PCDHAC1: variants seen among roughly 807,000 people sequenced by gnomAD.
The protein encoded by PCDHAC1 is protocadherin alpha-C1.
Under a neutral mutation model 60.0 loss-of-function variants are expected in PCDHAC1, and 42 were observed. The observed-to-expected ratio is 0.70, with a 90% CI of 0.55 to 0.90. The LOEUF is 0.90. Ranked by LOEUF, PCDHAC1 falls within the 40% of genes least tolerant of loss-of-function variation. The probability of loss-of-function intolerance (pLI) is 0.00; values close to 1 mark genes in which losing one functional copy is unlikely to be tolerated. For synonymous variants in PCDHAC1, 468 were observed against 499.3 expected (o/e 0.94, Z 0.84); for missense variants, 1,160 against 1,222.3 (o/e 0.95, Z 0.76).
At position 140,944,452 on chromosome 5, in the gene PCDHAC1, G is replaced by A. The variant is rs147335783; in HGVS notation, c.2433+15127G>A. 1.8e-3 allele frequency among the ~76,000 whole-genome samples: 280 copies of A among 152,282 alleles called. 3 individuals are homozygous for A. Among genetic ancestry groups the A allele is most frequent in the African/African-American group, 6.4e-3 (266 of 41,552 alleles). ...TCTGCCTGCCTCGGCCTCCCAAAGTGCTGGGATTACAGGTATGAGGCACTG... is the reference window on the plus strand; with the variant it reads ...TCTGCCTGCCTCGGCCTCCCAAAGTACTGGGATTACAGGTATGAGGCACTG... On this transcript the variant is annotated intron_variant, in intron 1 of 3. Coordinates refer to ENST00000253807, the MANE Select transcript of PCDHAC1 (RefSeq NM_018898.5).
chr5:140,943,719 T>G (rs1198620937), intron 1 of PCDHAC1, among the ~76,000 whole-genome samples: 2 of 152,126 alleles, frequency 1.3e-5, no homozygotes, highest in African/African-American at 4.8e-5. Context: ...TTTAAAGGTC[T>G]GAGAGAATGA....
At chr5:140,998,548 T>A (rs904925148) in intron 3 of PCDHAC1, among the ~76,000 whole-genome samples, 7 of 149,880 alleles carry the variant, frequency 4.7e-5, no homozygotes, top group African/African-American at 1.7e-4. Context: ...CCTAATTTAA[T>A]GTCTAATTTA....
intron 3 of PCDHAC1, among the ~76,000 whole-genome samples, chr5:140,993,462 TCA>T (rs3836747): frequency 0.093 from 13,122 of 140,864 alleles, 629 homozygotes; most frequent in African/African-American, 0.12. Flanking sequence ...TCTTTCTTTC[TCA>T]CACACACACA....
At position 140,972,838 on chromosome 5, in the gene PCDHAC1, A is replaced by G. The variant is rs181315236; in HGVS notation, c.2434-6111A>G. Among the ~76,000 whole-genome samples the G allele has an allele frequency of 2.0e-4, 30 of 151,814 alleles. No individual in the cohort carries two copies. In the East Asian group the frequency reaches 5.8e-3, roughly 30 times the overall value. The stretch of plus-strand genomic sequence containing the variant: ...GCCACCACGCCTGGCTAATTTTTGT[A>G]TTTTTAGTAGAGATGGGGTTTCATC... On this transcript the variant is annotated intron_variant, in intron 1 of 3. Transcript: ENST00000253807.
Position 140,929,071 on chromosome 5 carries a change from T to C in PCDHAC1, c.2179T>C (p.Tyr727His). 6.2e-7 allele frequency: 1 copy of C among 1,614,122 alleles called. No individual in the cohort carries two copies. Among genetic ancestry groups the C allele is most frequent in the South Asian group, 1.1e-5 (1 of 91,082 alleles). ...SCCRSTEDLR[Y>H]GSKMVSNPCM... ...CTGTCGCTCTACAGAGGATCTGAGG[T>C]ATGGAAGTAAGATGGTTTCAAATCC... Residue 727 changes from tyrosine (Y) to histidine (H), a missense_variant, in exon 1 of 4, where the codon TAT (tyrosine) becomes CAT (histidine). By Grantham distance (83) the Tyr-to-His change is moderately conservative. Transcript: ENST00000253807.
At chr5:140,971,958 C>G (rs2096508715) in intron 1 of PCDHAC1, among the ~76,000 whole-genome samples, 1 of 152,054 alleles carries the variant, frequency 6.6e-6, no homozygotes, top group Non-Finnish European at 1.5e-5. Context: ...ACTCCAAAAA[C>G]TTTTTTTCAA....
At position 140,978,793 on chromosome 5, in the gene PCDHAC1, A is replaced by G. The variant is rs1241254692; in HGVS notation, c.2434-156A>G. 4.1e-6 allele frequency: 4 copies of G among 977,674 alleles called. No individual in the cohort carries two copies. In the African/African-American group the frequency reaches 7.0e-5, roughly 17 times the overall value. The allele number at this position is 977,674 out of a possible 1,614,324, so 60.6% of individuals were successfully genotyped here. On this transcript the variant is annotated intron_variant, in intron 1 of 3. Coordinates refer to ENST00000253807, the MANE Select transcript of PCDHAC1 (RefSeq NM_018898.5). ...CTAATTTTCTTCTAAAGTGCTATAT[A>G]TGTAGATATCATCATAGAGTTACAC... is the stretch of plus-strand genomic sequence containing the variant.
Position 141,009,632 on chromosome 5 carries a change from G to A in PCDHAC1, c.2587G>A (p.Glu863Lys). 1 of 1,613,032 alleles carries A rather than the reference G, an allele frequency of 6.2e-7. No individual in the cohort carries two copies. Among genetic ancestry groups the A allele is most frequent in the Non-Finnish European group, 8.5e-7 (1 of 1,179,354 alleles). The change falls in exon 4 of 4, where the codon GAG (glutamate) becomes AAG (lysine). Residue 863 changes from glutamate to lysine, a missense_variant. This residue lies in a region of PCDHAC1 where 1,113 missense variants were observed against 1,163.7 expected (regional missense o/e 0.96). Transcript: ENST00000253807. The stretch of plus-strand genomic sequence containing the variant: ...TGTAATGTTTTGTCTTTCAGAACCA[G>A]AGGCAGGAGAAGTGTCCCCTCCAGT... ...PTVSSATPEP[E>K]AGEVSPPVGA...
intron 3 of PCDHAC1, among the ~76,000 whole-genome samples, chr5:141,004,088 T>G (rs797038928): frequency 3.4e-4 from 52 of 152,346 alleles, no homozygotes; most frequent in African/African-American, 1.2e-3. Flanking sequence ...GAAATGTGCT[T>G]CTTCCGTTTT....
chr5:140,927,995 AC>A lies in PCDHAC1; in HGVS notation c.1105del (p.Leu369SerfsTer19). ...GCTCTCTTTAGTGTAAAGGATGAAG[AC>A]CTCGATTCTAATGGTAGGGTCATTT... ...VIALFSVKDE[D>X]LDSNGRVICG... On this transcript the variant is annotated frameshift_variant, in exon 1 of 4. Transcript: ENST00000253807. LOFTEE classifies it high-confidence loss of function. 3.1e-6 allele frequency: 5 copies of A among 1,614,042 alleles called. No individual in the cohort carries two copies. The highest frequency in any genetic ancestry group is 4.2e-6 in the Non-Finnish European group (5 of 1,180,014).
chr5:140,980,878 G>A (rs528577692), intron 2 of PCDHAC1, among the ~76,000 whole-genome samples: 6 of 152,118 alleles, frequency 3.9e-5, no homozygotes, highest in East Asian at 1.9e-4. Context: ...GGGTGTTCTC[G>A]GTCTTTCCAG....
intron 3 of PCDHAC1, among the ~76,000 whole-genome samples, chr5:140,996,992 T>A (rs565740982): frequency 3.9e-5 from 6 of 152,324 alleles, no homozygotes; most frequent in African/African-American, 1.4e-4. Flanking sequence ...CAACCACTGT[T>A]AACAATTTTG....
At chr5:140,944,089 A>G (rs2093608705) in intron 1 of PCDHAC1, among the ~76,000 whole-genome samples, 2 of 152,250 alleles carry the variant, frequency 1.3e-5, no homozygotes, top group Non-Finnish European at 1.5e-5. Context: ...AGGCCTGAGT[A>G]AGTTTATATC....
rs782756674 is a variant in PCDHAC1 at position 140,927,716 on chromosome 5, G to A, written c.824G>A (p.Ser275Asn). 2.5e-6 allele frequency: 4 copies of A among 1,614,072 alleles called. No homozygotes were observed. Among genetic ancestry groups the A allele is most frequent in the Non-Finnish European group, 3.4e-6 (4 of 1,180,040 alleles). Residue 275 changes from serine to asparagine, a missense_variant, in exon 1 of 4, where the codon AGC becomes AAC. This residue lies in a region of PCDHAC1 where 1,113 missense variants were observed against 1,163.7 expected (regional missense o/e 0.96). Coordinates refer to ENST00000253807, the MANE Select transcript of PCDHAC1 (RefSeq NM_018898.5). ...NGEVQYSLSN[S>N]TQAELRHRFH... Reference sequence around the variant, plus strand: ...GAAGTCCAGTACTCCCTAAGCAACAGCACGCAAGCAGAGCTGCGACACCGC... The same window carrying A: ...GAAGTCCAGTACTCCCTAAGCAACAACACGCAAGCAGAGCTGCGACACCGC...
rs1485742296 is a variant in PCDHAC1, at chr5:140,974,143, T to C, written c.2434-4806T>C. On this transcript the variant is annotated intron_variant, in intron 1 of 3. Transcript: ENST00000253807. ...GTTTTAAATCTGCTAACCTGAAAACTATACAAGGGTTTTTCTTTCAAGAAT... is the reference window on the plus strand; with the variant it reads ...GTTTTAAATCTGCTAACCTGAAAACCATACAAGGGTTTTTCTTTCAAGAAT... 2.0e-5 allele frequency among the ~76,000 whole-genome samples: 3 copies of C among 152,324 alleles called. No homozygotes were observed. The East Asian group carries it at 5.8e-4, about 29-fold the overall frequency.
intron 1 of PCDHAC1, among the ~76,000 whole-genome samples, chr5:140,965,905 G>A (rs76116187): frequency 0.016 from 2,504 of 152,338 alleles, 69 homozygotes; most frequent in African/African-American, 0.056. Context: ...TGGATCCCAG[G>A]ATGCTGGTTT....
intron 1 of PCDHAC1, chr5:140,967,098 G>C: frequency 6.2e-7 from 1 of 1,613,130 alleles, no homozygotes; most frequent in Non-Finnish European, 8.5e-7. Flanking sequence ...GAGGCGCTGT[G>C]TGAGCAGCGG....
chr5:140,943,581 G>A (rs1022140100), intron 1 of PCDHAC1, among the ~76,000 whole-genome samples: 1 of 152,168 alleles, frequency 6.6e-6, no homozygotes, highest in Non-Finnish European at 1.5e-5. Flanking sequence ...GTTGATCTGA[G>A]TGGGGCTGAA....
At chr5:140,941,253 T>TTCTTTCTTTCTC (rs1563187863) in intron 1 of PCDHAC1, among the ~76,000 whole-genome samples, 4 of 64,962 alleles carry the variant, frequency 6.2e-5, no homozygotes, top group Non-Finnish European at 1.0e-4. Flanking sequence ...CTTTCTTTCT[T>TTCTTTCTTTCTC]TCTCTTTCTT....
Sources: allele counts gnomAD v4.1 joint callset (sites outside exome capture counted in the v4.1 genomes callset), GRCh38; gene constraint gnomAD v4.1.1; regional missense constraint gnomAD v4.1.1; transcripts MANE v1.5; gene names NCBI Gene and HGNC (gene_info 2026-07-23, HGNC 2026-07-21).